CCDC141: variants seen among roughly 807,000 people sequenced by gnomAD.
The protein encoded by CCDC141 is coiled-coil domain containing 141.
CCDC141 carries 168 observed loss-of-function variants against 181.0 expected under a neutral mutation model. The observed-to-expected ratio is 0.93, with a 90% CI of 0.82 to 1.05. The LOEUF (loss-of-function observed/expected upper bound fraction) is 1.05, where lower values mean the gene tolerates loss of function less well. Among genes scored for constraint, CCDC141 ranks in the 50% least tolerant of loss-of-function variants. CCDC141 has a pLI of 0.00. For missense variants in CCDC141, 1,902 were observed against 1,788.5 expected (o/e 1.06, Z -1.14); for synonymous variants, 666 against 642.3 (o/e 1.04, Z -0.56).
intron 22 of CCDC141, among the ~76,000 whole-genome samples, chr2:178,841,516 T>A (rs369545514): frequency 2.6e-5 from 4 of 152,204 alleles, no homozygotes; most frequent in East Asian, 3.8e-4. Context: ...ATGCATTAAA[T>A]TATCACAGGT....
chr2:179,031,813 C>T (rs1415655429), intron 2 of CCDC141, among the ~76,000 whole-genome samples: 1 of 152,074 alleles, frequency 6.6e-6, no homozygotes, highest in Non-Finnish European at 1.5e-5. Context: ...ATCTCAGGCA[C>T]TCAAAGCAGT....
intron 4 of CCDC141, among the ~76,000 whole-genome samples, chr2:178,968,824 A>C (rs532156568): frequency 6.6e-6 from 1 of 151,820 alleles, no homozygotes; most frequent in East Asian, 1.9e-4. Context: ...AGATCAACAA[A>C]ACAGACCGCT....
rs556448665 is a variant in CCDC141, at chr2:179,013,185, T to G, written c.225+34099A>C. ...AAGAGGATGTCAAACTGCCCCTGTT[T>G]GCTGACGATATAATCATTTACCTTG... On this transcript the variant is annotated intron_variant, in intron 2 of 23. Coordinates refer to ENST00000443758, the MANE Select transcript of CCDC141 (RefSeq NM_173648.4). 3.3e-5 allele frequency among the ~76,000 whole-genome samples: 5 copies of G among 152,272 alleles called. No individual in the cohort carries two copies. In the South Asian group the frequency reaches 8.3e-4, roughly 25 times the overall value.
intron 2 of CCDC141, among the ~76,000 whole-genome samples, chr2:179,018,037 C>T (rs1182995253): frequency 6.6e-6 from 1 of 152,142 alleles, no homozygotes; most frequent in Admixed American, 6.6e-5. Flanking sequence ...CTAAAAGACA[C>T]TACTTCCCTT....
intron 11 of CCDC141, among the ~76,000 whole-genome samples, chr2:178,884,357 T>G (rs187629065): frequency 2.8e-4 from 43 of 152,262 alleles, no homozygotes; most frequent in Admixed American, 4.6e-4. Flanking sequence ...TCCAAACAGA[T>G]AACTGTAATT....
At chr2:178,891,533 G>T (rs1359010771) in intron 8 of CCDC141, among the ~76,000 whole-genome samples, 1 of 152,062 alleles carries the variant, frequency 6.6e-6, no homozygotes, top group African/African-American at 2.4e-5. Context: ...AACAGGGATG[G>T]CCTGGCTGAC....
At position 178,934,602 on chromosome 2, in the gene CCDC141, C is replaced by T. The variant is rs566925803; in HGVS notation, c.897+9933G>A. On this transcript the variant is annotated intron_variant, in intron 6 of 23. Transcript: ENST00000443758. ...AAATCCTTTAGTTCATTTATTTCAA[C>T]ACATCCTGAATAAAGTATCACATTT... is the stretch of plus-strand genomic sequence containing the variant. Among the ~76,000 whole-genome samples, 61 of 152,296 alleles carry T rather than the reference C, an allele frequency of 4.0e-4. No homozygotes were observed. The South Asian group carries it at 5.4e-3, about 13-fold the overall frequency.
At chr2:178,879,088 C>A (rs1686479470) in intron 11 of CCDC141, among the ~76,000 whole-genome samples, 1 of 152,180 alleles carries the variant, frequency 6.6e-6, no homozygotes, top group South Asian at 2.1e-4. Flanking sequence ...TTCTCATTTG[C>A]TAACCAATGT....
chr2:179,025,240 A>G lies in CCDC141; in HGVS notation c.225+22044T>C, dbSNP rs2042803907. Among the ~76,000 whole-genome samples, 3 of 152,138 alleles carry G rather than the reference A, an allele frequency of 2.0e-5. No homozygotes were observed. In the Middle Eastern group the frequency reaches 0.01, roughly 521 times the overall value. ...GTAATCAGCATAGTGCCTGATAGGT[A>G]ATTTTTTGATCTTCACCCTCAGATA... On this transcript the variant is annotated intron_variant, in intron 2 of 23. Transcript: ENST00000443758.
intron 2 of CCDC141, among the ~76,000 whole-genome samples, chr2:178,990,978 G>A (rs892002428): frequency 5.9e-5 from 9 of 152,044 alleles, no homozygotes; most frequent in African/African-American, 2.2e-4. Flanking sequence ...AAAACCACTC[G>A]GCACAAAACA....
At chr2:178,942,261 T>A (rs1689555151) in intron 6 of CCDC141, among the ~76,000 whole-genome samples, 1 of 152,174 alleles carries the variant, frequency 6.6e-6, no homozygotes, top group African/African-American at 2.4e-5. Flanking sequence ...CGTTTAAATG[T>A]TTTGTAGAGA....
intron 8 of CCDC141, among the ~76,000 whole-genome samples, chr2:178,892,045 C>T (rs112916177): frequency 2.8e-3 from 426 of 152,224 alleles, no homozygotes; most frequent in African/African-American, 9.8e-3. Context: ...AGAACATATG[C>T]GCAGTTACCA....
chr2:178,896,986 C>T (rs1687441799), intron 8 of CCDC141, among the ~76,000 whole-genome samples: 1 of 151,818 alleles, frequency 6.6e-6, no homozygotes, highest in African/African-American at 2.4e-5. Flanking sequence ...CCTCCAGCCA[C>T]ACCACCCTTC....
At chr2:178,995,933 G>C (rs1006792187) in intron 2 of CCDC141, among the ~76,000 whole-genome samples, 1 of 152,060 alleles carries the variant, frequency 6.6e-6, no homozygotes, top group Non-Finnish European at 1.5e-5. Context: ...ATTAAAATAG[G>C]TTAACCTGGC....
rs142939730 is a variant in CCDC141, at chr2:179,030,691, T to A, written c.225+16593A>T. On this transcript the variant is annotated intron_variant, in intron 2 of 23. Coordinates refer to ENST00000443758, the MANE Select transcript of CCDC141 (RefSeq NM_173648.4). ...TTCTAAGTAAAATAATTGGAATAGT[T>A]ACTACATACATATACAAATAAATTT... Among the ~76,000 whole-genome samples, 1,210 of 152,214 alleles carry A rather than the reference T, an allele frequency of 7.9e-3. 17 individuals are homozygous for A. Among genetic ancestry groups the A allele is most frequent in the African/African-American group, 0.027 (1,112 of 41,564 alleles).
At chr2:178,953,866 T>A (rs1045721147) in intron 5 of CCDC141, among the ~76,000 whole-genome samples, 5 of 152,246 alleles carry the variant, frequency 3.3e-5, no homozygotes, top group African/African-American at 1.2e-4. Context: ...TGCACAGTTT[T>A]ACAGATGCCC....
chr2:178,855,993 G>C (rs1685368989), intron 18 of CCDC141, among the ~76,000 whole-genome samples: 1 of 152,168 alleles, frequency 6.6e-6, no homozygotes. Context: ...ATGTGTGTGT[G>C]TATGTGTTGG....
chr2:178,816,647 C>T, the CCDC141 span, among the ~76,000 whole-genome samples: 40 of 152,122 alleles, frequency 2.6e-4, no homozygotes, highest in South Asian at 2.3e-3. Flanking sequence ...TGCCGTTTTG[C>T]GTTCCCACCA....
At chr2:178,869,488 A>G (rs1686011244) in intron 14 of CCDC141, among the ~76,000 whole-genome samples, 183 bp from the exon 15 acceptor site, 1 of 152,168 alleles carries the variant, frequency 6.6e-6, no homozygotes, top group Non-Finnish European at 1.5e-5. Flanking sequence ...GTTTTTCTAT[A>G]CTCACCTGAG....
Sources: allele counts gnomAD v4.1 joint callset (sites outside exome capture counted in the v4.1 genomes callset), GRCh38; gene constraint gnomAD v4.1.1; transcripts MANE v1.5; gene names NCBI Gene and HGNC (gene_info 2026-07-23, HGNC 2026-07-21).